FLI1: variants seen among roughly 807,000 people sequenced by gnomAD.
The protein encoded by FLI1 is Friend leukemia integration 1 transcription factor.
In FLI1, 13 loss-of-function variants were observed where a neutral mutation model predicts 53.1. The ratio of observed to expected loss-of-function variants is 0.24; its 90% confidence interval spans 0.16 to 0.39. FLI1 has a LOEUF of 0.39. Among genes scored for constraint, FLI1 ranks in the 10% least tolerant of loss-of-function variants. The probability of loss-of-function intolerance (pLI) is 1.00; values close to 1 mark genes in which losing one functional copy is unlikely to be tolerated. For synonymous variants in FLI1, 244 were observed against 236.7 expected (o/e 1.03, Z -0.28); for missense variants, 424 against 600.5 (o/e 0.71, Z 3.07).
intron 3 of FLI1, 106 bp from the exon 4 acceptor site, chr11:128,772,670 GAGAGAA>G: frequency 1.2e-6 from 1 of 845,412 alleles, no homozygotes; most frequent in Non-Finnish European, 2.0e-6. Flanking sequence ...AGCTCTCCCA[GAGAGAA>G]AGAGAAGGGA....
chr11:128,752,794 A>G (rs1175761809), intron 1 of FLI1, among the ~76,000 whole-genome samples: 1 of 152,192 alleles, frequency 6.6e-6, no homozygotes, highest in Non-Finnish European at 1.5e-5. Context: ...AAGTGCTGTG[A>G]TTATTACCAC....
chr11:128,761,697 C>G (rs1477230129), intron 2 of FLI1, among the ~76,000 whole-genome samples: 1 of 152,106 alleles, frequency 6.6e-6, no homozygotes, highest in Non-Finnish European at 1.5e-5. Context: ...GGATACTGAT[C>G]CTGTGCAAAG....
At chr11:128,746,560 C>G (rs1347754545) in intron 1 of FLI1, among the ~76,000 whole-genome samples, 3 of 152,228 alleles carry the variant, frequency 2.0e-5, no homozygotes, top group African/African-American at 7.2e-5. Flanking sequence ...CTTGGTCTAG[C>G]TGCCAGGTCA....
chr11:128,809,011 G>A lies in FLI1; in HGVS notation c.782-146G>A, dbSNP rs80078930. The A allele has an allele frequency of 1.8e-3, 1,027 of 577,326 alleles. 9 individuals carry two copies. Among genetic ancestry groups the A allele is most frequent in the African/African-American group, 0.017 (923 of 53,726 alleles). 35.8% of individuals were successfully genotyped at this position (577,326 alleles called of 1,614,324 possible). ...AATGTCATCAAGATCTTTGAGATCTGCAAATAAAAGCAGTAAAGTTTTCTG... is the reference window on the plus strand; with the variant it reads ...AATGTCATCAAGATCTTTGAGATCTACAAATAAAAGCAGTAAAGTTTTCTG... On this transcript the variant is annotated intron_variant, in intron 7 of 8. Coordinates refer to ENST00000527786, the MANE Select transcript of FLI1 (RefSeq NM_002017.5).
intron 1 of FLI1, among the ~76,000 whole-genome samples, chr11:128,757,162 G>A (rs1270995747): frequency 6.7e-6 from 1 of 149,008 alleles, no homozygotes; most frequent in East Asian, 2.0e-4. Flanking sequence ...GCCCAGGCTA[G>A]TTTAGAACTC....
chr11:128,810,384 G>C lies in FLI1; in HGVS notation c.830-75G>C. The C allele has an allele frequency of 2.2e-6, 3 of 1,391,006 alleles. No homozygotes were observed. The highest frequency in any genetic ancestry group is 2.9e-6 in the Non-Finnish European group (3 of 1,025,914). The allele number at this position is 1,391,006 out of a possible 1,614,324, so 86.2% of individuals were successfully genotyped here. A position where few individuals can be genotyped will look rare whatever the true frequency, so the allele number is the denominator to read the frequency against. ...TCTTTAAAAGGATGAGAAGCTCCCT[G>C]CATTTAGGGAACTGGGTTCTGCCTT... On this transcript the variant is annotated intron_variant, in intron 8 of 8. Transcript: ENST00000527786. This position sits in a 1 kb window ranked among gnomAD's most constrained non-coding sequence, Gnocchi z 6.6.
At position 128,803,573 on chromosome 11, in the gene FLI1, T is replaced by C. The variant is rs532716991; in HGVS notation, c.656-1793T>C. On this transcript the variant is annotated intron_variant, in intron 5 of 8. Coordinates refer to ENST00000527786, the MANE Select transcript of FLI1 (RefSeq NM_002017.5). The stretch of plus-strand genomic sequence containing the variant: ...CCAGGAACCCTTTATGTGTCCTCCA[T>C]GCCTTAGGCACATGACCCGTGTTTC... Among the ~76,000 whole-genome samples the C allele has an allele frequency of 1.4e-3, 220 of 152,350 alleles. 1 individual carries two copies. Among genetic ancestry groups the C allele is most frequent in the African/African-American group, 4.9e-3 (204 of 41,582 alleles).
intron 1 of FLI1, among the ~76,000 whole-genome samples, chr11:128,726,189 G>A (rs762934050): frequency 4.6e-5 from 7 of 151,466 alleles, no homozygotes; most frequent in Non-Finnish European, 8.8e-5. Context: ...TCCCCCAACC[G>A]CTGGCTCAGC....
chr11:128,707,072 G>T (rs1938575784), intron 1 of FLI1, among the ~76,000 whole-genome samples: 2 of 152,164 alleles, frequency 1.3e-5, no homozygotes, highest in South Asian at 4.2e-4. Flanking sequence ...GGGCACGGTT[G>T]GTGTGCTCTG....
chr11:128,769,582 A>C (rs1421424876), intron 3 of FLI1, among the ~76,000 whole-genome samples: 1 of 152,084 alleles, frequency 6.6e-6, no homozygotes, highest in Non-Finnish European at 1.5e-5. Context: ...TCTGGGCCAA[A>C]TTCAAGAAGG....
intron 1 of FLI1, among the ~76,000 whole-genome samples, chr11:128,713,784 C>A (rs931093616): frequency 2.0e-5 from 3 of 152,094 alleles, no homozygotes; most frequent in Non-Finnish European, 4.4e-5. Flanking sequence ...AAAGATAAGC[C>A]TCGGAGTCAG....
chr11:128,802,368 C>T (rs867946242), intron 5 of FLI1, among the ~76,000 whole-genome samples: 17 of 152,170 alleles, frequency 1.1e-4, no homozygotes, highest in African/African-American at 3.1e-4. Flanking sequence ...TTTGTGCAGC[C>T]AGGTACCAGT....
At chr11:128,724,591 G>T (rs1489255587) in intron 1 of FLI1, among the ~76,000 whole-genome samples, 3 of 152,146 alleles carry the variant, frequency 2.0e-5, no homozygotes, top group African/African-American at 7.2e-5. Flanking sequence ...ATGATACAAA[G>T]AAAAATCTAT....
chr11:128,807,813 A>G (rs771908738), intron 7 of FLI1, among the ~76,000 whole-genome samples: 2 of 152,132 alleles, frequency 1.3e-5, no homozygotes, highest in African/African-American at 4.8e-5. Flanking sequence ...CAGTTCCACT[A>G]TCTGACCCAA....
chr11:128,687,728 A>C (rs1455595647), intron 1 of FLI1, among the ~76,000 whole-genome samples: 5 of 151,942 alleles, frequency 3.3e-5, no homozygotes, highest in Non-Finnish European at 7.4e-5. Flanking sequence ...TTATGCGTCC[A>C]ACCCTCCTCA....
chr11:128,799,197 A>G (rs1942551839), intron 5 of FLI1, among the ~76,000 whole-genome samples: 1 of 151,944 alleles, frequency 6.6e-6, no homozygotes, highest in Admixed American at 6.6e-5. Flanking sequence ...GCCCTGAGCC[A>G]CCACACCCAG....
At chr11:128,750,131 G>A (rs549682459) in intron 1 of FLI1, among the ~76,000 whole-genome samples, 27 of 152,354 alleles carry the variant, frequency 1.8e-4, no homozygotes, top group Non-Finnish European at 3.5e-4. Context: ...GTGACCCTGG[G>A]TAATGGATAT....
intron 4 of FLI1, among the ~76,000 whole-genome samples, chr11:128,780,769 C>A (rs1172143383): frequency 6.6e-6 from 1 of 152,200 alleles, no homozygotes; most frequent in African/African-American, 2.4e-5. Flanking sequence ...CCCATTCCCA[C>A]CCCTGGCACC....
chr11:128,760,675 A>T (rs2135815438), intron 2 of FLI1, among the ~76,000 whole-genome samples: 1 of 151,930 alleles, frequency 6.6e-6, no homozygotes, highest in Middle Eastern at 3.4e-3. Flanking sequence ...TTACAAGCAC[A>T]TGGCACCACA....
Sources: gnomAD v4.1 joint callset for allele counts (sites outside exome capture counted in the v4.1 genomes callset) on GRCh38, gnomAD v4.1.1 for gene constraint, Gnocchi (gnomAD v3.1) non-coding constraint, MANE v1.5 for transcripts, NCBI Gene and HGNC (gene_info 2026-07-23, HGNC 2026-07-21) for gene names.